The following NRG2 variants were observed in gnomAD, a reference collection of about 807,000 sequenced individuals.
NRG2 encodes pro-neuregulin-2, membrane-bound isoform.
NRG2 carries 27 observed loss-of-function variants against 73.9 expected under a neutral mutation model. The ratio of observed to expected loss-of-function variants is 0.37; its 90% CI spans 0.27 to 0.50. NRG2 has a LOEUF of 0.50. Among genes scored for constraint, NRG2 ranks in the 20% least tolerant of loss-of-function variants. NRG2 has a pLI of 0.96. For synonymous variants in NRG2, 532 were observed against 541.0 expected, an observed-to-expected ratio of 0.98 and a Z score of 0.23; for missense variants, 1,126 against 1,210.1, an observed-to-expected ratio of 0.93 and a Z score of 1.03.
intron 1 of NRG2, among the ~76,000 whole-genome samples, chr5:139,944,738 CA>C (rs1753678017): frequency 6.6e-6 from 1 of 152,130 alleles, no homozygotes; most frequent in African/African-American, 2.4e-5. Context: ...AAATGTCTCT[CA>C]CATGTAATAA....
intron 1 of NRG2, among the ~76,000 whole-genome samples, chr5:139,951,809 C>G (rs1009291997): frequency 2.6e-5 from 4 of 152,232 alleles, no homozygotes; most frequent in African/African-American, 4.8e-5. Context: ...ACGCCCTCCC[C>G]CTGGCTCACC....
Position 139,958,087 on chromosome 5 carries a change from C to T in NRG2, c.701-70576G>A, listed in dbSNP as rs780023352. Among the ~76,000 whole-genome samples the T allele has an allele frequency of 6.9e-4, 105 of 152,112 alleles. 3 individuals are homozygous for T. Among genetic ancestry groups the T allele is most frequent in the Non-Finnish European group, 1.9e-4 (13 of 68,018 alleles). On this transcript the variant is annotated intron_variant, in intron 1 of 9. Transcript: ENST00000361474. Reference sequence around the variant, plus strand: ...CTGGGACAAGGACCCCAAATATAAGCTTTCACAAGCCCATTCAATTCATCT... The same window carrying T: ...CTGGGACAAGGACCCCAAATATAAGTTTTCACAAGCCCATTCAATTCATCT...
At chr5:139,956,052 G>A (rs922918884) in intron 1 of NRG2, among the ~76,000 whole-genome samples, 1 of 152,158 alleles carries the variant, frequency 6.6e-6, no homozygotes, top group Non-Finnish European at 1.5e-5. Flanking sequence ...GAGGAAGGTG[G>A]GACCCCCTGT....
chr5:139,866,859 A>G (rs1201774383), intron 4 of NRG2, among the ~76,000 whole-genome samples: 1 of 152,212 alleles, frequency 6.6e-6, no homozygotes, highest in African/African-American at 2.4e-5. Flanking sequence ...TCTGGAGGAC[A>G]TGCCCAGCCC....
At chr5:140,026,567 C>T (rs1411496916) in intron 1 of NRG2, among the ~76,000 whole-genome samples, 2 of 151,960 alleles carry the variant, frequency 1.3e-5, no homozygotes, top group Non-Finnish European at 2.9e-5. Context: ...CACCTGTGAA[C>T]AGCCACCGTA....
chr5:139,857,372 C>T lies in NRG2; in HGVS notation c.1190-1594G>A, dbSNP rs548257313. 1.1e-4 allele frequency among the ~76,000 whole-genome samples: 17 copies of T among 152,262 alleles called. No homozygotes were observed. In the East Asian group the frequency reaches 2.3e-3, roughly 21 times the overall value. ...CCCTGACTGCTCCCTGAAGTATGAT[C>T]GTGCCAGATGGCCCTCCATCGAGTC... On this transcript the variant is annotated intron_variant, in intron 5 of 9. Coordinates refer to ENST00000361474, the MANE Select transcript of NRG2 (RefSeq NM_004883.3).
rs1761179301 is a variant in NRG2 at position 139,848,494 on chromosome 5, CCGGGT to C, written c.1971_1975del (p.Pro658ThrfsTer16). ...GCCGGGCCCGGGCCCGGGCCCGGGT[CCGGGT>C]CCCGGGCCGGGGGGCGCCGGGTGCC... On this transcript the variant is annotated frameshift_variant, in exon 10 of 10. Coordinates refer to ENST00000361474, the MANE Select transcript of NRG2 (RefSeq NM_004883.3). LOFTEE classifies it high-confidence loss of function. The C allele has an allele frequency of 9.1e-6, 12 of 1,323,428 alleles. No homozygotes were observed. In the African/African-American group the frequency reaches 2.0e-4, roughly 22 times the overall value. The allele number at this position is 1,323,428 out of a possible 1,614,324, so 82.0% of individuals were successfully genotyped here. A position where few individuals can be genotyped will look rare whatever the true frequency, so the allele number is the denominator to read the frequency against.
At chr5:139,871,685 T>A in intron 4 of NRG2, 36 bp downstream of exon 4, 1 of 1,612,528 alleles carries the variant, frequency 6.2e-7, no homozygotes, top group East Asian at 2.2e-5. Flanking sequence ...TCCTACCCTG[T>A]TCTTGCTCCC....
rs1288542697 is a variant in NRG2, at chr5:139,972,345, G to A, written c.700+70025C>T. 3.3e-5 allele frequency among the ~76,000 whole-genome samples: 5 copies of A among 152,132 alleles called. No homozygotes were observed. The South Asian group carries it at 8.3e-4, about 25-fold the overall frequency. ...TATGTCACACAGGAGGAATAGAAGA[G>A]TCTTTCTAAGAATGAATCAAGAAGT... is the stretch of plus-strand genomic sequence containing the variant. On this transcript the variant is annotated intron_variant, in intron 1 of 9. Coordinates refer to ENST00000361474, the MANE Select transcript of NRG2 (RefSeq NM_004883.3).
chr5:140,011,873 C>T (rs1478541661), intron 1 of NRG2, among the ~76,000 whole-genome samples: 1 of 152,178 alleles, frequency 6.6e-6, no homozygotes, highest in East Asian at 1.9e-4. Context: ...AATAAGAGGA[C>T]CCAACTCAAA....
chr5:139,884,487 C>A (rs1012608020), intron 2 of NRG2, among the ~76,000 whole-genome samples: 9 of 152,186 alleles, frequency 5.9e-5, no homozygotes, highest in Non-Finnish European at 4.4e-5. Context: ...AAGGCTGTAC[C>A]TGGCATGCAG....
chr5:139,921,109 A>G (rs1751625164), intron 1 of NRG2, among the ~76,000 whole-genome samples: 1 of 152,230 alleles, frequency 6.6e-6, no homozygotes, highest in African/African-American at 2.4e-5. Flanking sequence ...AACTAAGTAA[A>G]TGGAGAGATA....
chr5:139,972,592 C>T (rs1320196829), intron 1 of NRG2, among the ~76,000 whole-genome samples: 1 of 152,082 alleles, frequency 6.6e-6, no homozygotes, highest in Non-Finnish European at 1.5e-5. Flanking sequence ...GGGTATGTGG[C>T]GTACGCCTGT....
intron 2 of NRG2, among the ~76,000 whole-genome samples, chr5:139,886,431 G>A (rs1400441955): frequency 6.6e-6 from 1 of 152,206 alleles, no homozygotes; most frequent in East Asian, 1.9e-4. Context: ...TGCATTTTGT[G>A]TGTGTGGTGG....
chr5:139,926,236 G>A (rs1463298941), intron 1 of NRG2, among the ~76,000 whole-genome samples: 1 of 152,256 alleles, frequency 6.6e-6, no homozygotes, highest in Non-Finnish European at 1.5e-5. Context: ...GCCAGGGTCA[G>A]CATGGCATGG....
intron 1 of NRG2, among the ~76,000 whole-genome samples, chr5:140,037,061 C>G (rs1761557138): frequency 6.6e-6 from 1 of 152,210 alleles, no homozygotes; most frequent in African/African-American, 2.4e-5. Context: ...ATTCAGGTAG[C>G]TAAATTCCCT....
chr5:139,855,911 T>C, intron 5 of NRG2, 133 bp from the exon 6 acceptor site: 1 of 667,874 alleles, frequency 1.5e-6, no homozygotes, highest in Non-Finnish European at 2.7e-6. Context: ...TTTCCATCCC[T>C]TTTCTCCAGC....
chr5:139,858,442 A>G (rs1761943683), intron 5 of NRG2, among the ~76,000 whole-genome samples: 1 of 151,964 alleles, frequency 6.6e-6, no homozygotes, highest in Non-Finnish European at 1.5e-5. Flanking sequence ...CTATCCCATT[A>G]CCTCATTTTA....
At chr5:139,941,847 C>A (rs1753423627) in intron 1 of NRG2, among the ~76,000 whole-genome samples, 1 of 152,150 alleles carries the variant, frequency 6.6e-6, no homozygotes, top group African/African-American at 2.4e-5. Flanking sequence ...CTTCTTGTTT[C>A]AACTTCCCAT....
Sources: gnomAD v4.1 joint callset for allele counts (sites outside exome capture counted in the v4.1 genomes callset) on GRCh38, gnomAD v4.1.1 for gene constraint, MANE v1.5 for transcripts, NCBI Gene and HGNC (gene_info 2026-07-23, HGNC 2026-07-21) for gene names.